OBI1: variants seen among roughly 807,000 people sequenced by gnomAD.
The protein encoded by OBI1 is ring finger protein 219.
A neutral mutation model predicts 62.4 loss-of-function variants in OBI1; 59 were observed. The ratio of observed to expected loss-of-function variants is 0.95; its 90% CI spans 0.77 to 1.17. The LOEUF is 1.17. Among genes scored for constraint, OBI1 ranks in the 50% most tolerant of loss-of-function variants. The pLI is 0.00. For synonymous variants in OBI1, 302 were observed against 292.8 expected, an observed-to-expected ratio of 1.03 and a Z score of -0.32; for missense variants, 875 against 830.9, an observed-to-expected ratio of 1.05 and a Z score of -0.65.
Position 78,616,537 on chromosome 13 carries a change from GCTCT to G in OBI1, c.1220_1223del (p.Glu407AlafsTer40), listed in dbSNP as rs755388648. 85 of 1,614,076 alleles carry G rather than the reference GCTCT, an allele frequency of 5.3e-5. No individual in the cohort carries two copies. The highest frequency in any genetic ancestry group is 5.9e-5 in the Non-Finnish European group (70 of 1,180,010). ...TGGAACCTCCTGCTTGGACCACAGA[GCTCT>G]CTCTATTTTCTGGAGTACTGAGCTG... is the stretch of plus-strand genomic sequence containing the variant. On this transcript the variant is annotated frameshift_variant, in exon 6 of 6. Coordinates refer to ENST00000282003, the MANE Select transcript of OBI1 (RefSeq NM_024546.4). LOFTEE classifies it high-confidence loss of function.
rs1388174116 is a variant in OBI1 at position 78,615,357 on chromosome 13, T to C, written c.*223A>G. The C allele has an allele frequency of 5.3e-6, 2 of 376,394 alleles. No individual in the cohort carries two copies. Among genetic ancestry groups the C allele is most frequent in the African/African-American group, 2.1e-5 (1 of 47,780 alleles). The allele number at this position is 376,394 out of a possible 1,614,324, so 23.3% of individuals were successfully genotyped here. A position where few individuals can be genotyped will look rare whatever the true frequency, so the allele number is the denominator to read the frequency against. ...ACACAAAAATAACCTCCTCCCTAAC[T>C]TCTCTGGTCACAAAGACTCCCAAAT... On this transcript the variant is annotated 3_prime_UTR_variant, in exon 6 of 6. Coordinates refer to ENST00000282003, the MANE Select transcript of OBI1 (RefSeq NM_024546.4).
At chr13:78,640,771 A>G (rs1876189355) in intron 3 of OBI1, among the ~76,000 whole-genome samples, 1 of 152,202 alleles carries the variant, frequency 6.6e-6, no homozygotes. Context: ...TCTGCACTCC[A>G]GCCTGGGTGA....
At chr13:78,618,025 T>A (rs566430774) in intron 5 of OBI1, among the ~76,000 whole-genome samples, 1 of 152,136 alleles carries the variant, frequency 6.6e-6, no homozygotes, top group South Asian at 2.1e-4. Flanking sequence ...TTAGGTGGTA[T>A]ATTTGGGGCT....
At position 78,616,476 on chromosome 13, in the gene OBI1, C is replaced by G; in HGVS notation, c.1285G>C (p.Asp429His). ...ACATTTGAAGAATCACAAAAATCAT[C>G]AAACACCAATTTTCTGAGATGGTTT... ...HSNHLRKLVF[D>H]DFCDSSNVSN... Residue 429 changes from aspartate to histidine, a missense_variant, in exon 6 of 6, where the codon GAT becomes CAT. Asp to His is a moderately conservative substitution (Grantham distance 81). Coordinates refer to ENST00000282003, the MANE Select transcript of OBI1 (RefSeq NM_024546.4). The G allele has an allele frequency of 6.2e-7, 1 of 1,614,074 alleles. No individual in the cohort carries two copies. The highest frequency in any genetic ancestry group is 8.5e-7 in the Non-Finnish European group (1 of 1,180,020).
Position 78,616,944 on chromosome 13 carries a change from T to C in OBI1, c.817A>G (p.Thr273Ala). The C allele has an allele frequency of 2.5e-6, 4 of 1,614,160 alleles. No homozygotes were observed. The highest frequency in any genetic ancestry group is 3.4e-6 in the Non-Finnish European group (4 of 1,180,020). The change falls in exon 6 of 6, where the codon ACA (threonine) becomes GCA (alanine). Residue 273 changes from threonine (T) to alanine (A), a missense_variant. By Grantham distance (58) the Thr-to-Ala change is moderately conservative. Transcript: ENST00000282003. ...CCTTTGCCATCTGCAGAAAGTGCTG[T>C]CTGGCAAATGGAATTCATAGCTTCT... ...EKEAMNSICQ[T>A]ALSADGKGSK...
chr13:78,632,383 C>CA (rs1411017618), intron 5 of OBI1, among the ~76,000 whole-genome samples: 2 of 152,104 alleles, frequency 1.3e-5, no homozygotes, highest in Non-Finnish European at 2.9e-5. Context: ...TTTGTTATGA[C>CA]AATCTGAGCT....
chr13:78,654,150 C>A (rs964408706), intron 1 of OBI1, among the ~76,000 whole-genome samples: 1 of 151,860 alleles, frequency 6.6e-6, no homozygotes, highest in Non-Finnish European at 1.5e-5. Context: ...TTCATCCCTA[C>A]CAGAAATGCT....
intron 1 of OBI1, among the ~76,000 whole-genome samples, chr13:78,652,800 T>C (rs1234532868): frequency 1.3e-5 from 2 of 152,128 alleles, no homozygotes; most frequent in South Asian, 2.1e-4. Context: ...GTGGTAATAC[T>C]ATCTCACTCC....
chr13:78,616,251 C>T lies in OBI1; in HGVS notation c.1510G>A (p.Gly504Ser), dbSNP rs1875280994. Residue 504 changes from glycine to serine, a missense_variant, in exon 6 of 6, where the codon GGC becomes AGC. Transcript: ENST00000282003. ...EISSKLSEKS[G>S]LCLSKRLNSI... is the part of the protein sequence containing the mutation. ...TTCAACCTTTTGGATAAACATAAGC[C>T]TGATTTCTCACTCAATTTTGAAGAT... is the stretch of plus-strand genomic sequence containing the variant. The T allele has an allele frequency of 1.2e-6, 2 of 1,613,774 alleles. No individual in the cohort carries two copies. Among genetic ancestry groups the T allele is most frequent in the Non-Finnish European group, 8.5e-7 (1 of 1,179,764 alleles).
At chr13:78,628,213 G>A (rs1430116195) in intron 5 of OBI1, among the ~76,000 whole-genome samples, 4 of 152,152 alleles carry the variant, frequency 2.6e-5, no homozygotes, top group Admixed American at 2.6e-4. Flanking sequence ...CTACTGCACA[G>A]AAGACAAAAA....
chr13:78,647,488 A>G (rs1252899581), intron 1 of OBI1, among the ~76,000 whole-genome samples: 1 of 152,236 alleles, frequency 6.6e-6, no homozygotes, highest in Non-Finnish European at 1.5e-5. Flanking sequence ...CGGGCACAGT[A>G]CCTTCCCTTG....
chr13:78,648,748 T>A (rs1876460584), intron 1 of OBI1, among the ~76,000 whole-genome samples: 1 of 152,068 alleles, frequency 6.6e-6, no homozygotes, highest in African/African-American at 2.4e-5. Flanking sequence ...ACCCCATCTC[T>A]ACTAAAAATA....
chr13:78,640,979 GC>G (rs58447200), intron 3 of OBI1, among the ~76,000 whole-genome samples: 55,807 of 151,732 alleles, frequency 0.37, 10,528 homozygotes, highest in African/African-American at 0.39. Flanking sequence ...TGTGACTATT[GC>G]AAGTATTAGC....
Position 78,615,131 on chromosome 13 carries a change from T to C in OBI1, c.*449A>G, listed in dbSNP as rs1164130978. The C allele has an allele frequency of 6.6e-6, 1 of 152,488 alleles. No individual in the cohort carries two copies. The highest frequency in any genetic ancestry group is 1.5e-5 in the Non-Finnish European group (1 of 68,290). The allele number at this position is 152,488 out of a possible 1,614,324, so 9.4% of individuals were successfully genotyped here. On this transcript the variant is annotated 3_prime_UTR_variant, in exon 6 of 6. Transcript: ENST00000282003. ...GAAAAGCTTAAACTCAAGTGTCTTA[T>C]TGAGCAGTGTATAGACAACACTAAA...
chr13:78,647,220 C>T (rs1194002944), intron 1 of OBI1, among the ~76,000 whole-genome samples: 1 of 152,202 alleles, frequency 6.6e-6, no homozygotes, highest in Non-Finnish European at 1.5e-5. Context: ...CACCCGTGAA[C>T]GGTCTGTGCT....
chr13:78,642,840 T>C (rs1241257340), intron 2 of OBI1, among the ~76,000 whole-genome samples: 3 of 152,016 alleles, frequency 2.0e-5, no homozygotes, highest in Non-Finnish European at 4.4e-5. Flanking sequence ...TGAGCCGAGA[T>C]TGCGCCACTG....
chr13:78,635,073 A>G (rs1875979267), intron 5 of OBI1, 37 bp downstream of exon 5: 7 of 1,264,782 alleles, frequency 5.5e-6, no homozygotes, highest in South Asian at 1.3e-5. Flanking sequence ...AAATATTGAC[A>G]TAATCTGAAG....
In OBI1 at chr13:78,652,956, G is replaced by C. The variant is rs149719998; in HGVS notation, c.72+6093C>G. Reference sequence around the variant, plus strand: ...TTACTGGAATGGGCCTGAGGGGGCAGTTCTTGGGGCAGATATATTAACCTT... The same window carrying C: ...TTACTGGAATGGGCCTGAGGGGGCACTTCTTGGGGCAGATATATTAACCTT... On this transcript the variant is annotated intron_variant, in intron 1 of 5. Transcript: ENST00000282003. 2.9e-3 allele frequency among the ~76,000 whole-genome samples: 437 copies of C among 152,256 alleles called. 1 individual carries two copies. Among genetic ancestry groups the C allele is most frequent in the African/African-American group, 9.9e-3 (412 of 41,528 alleles).
chr13:78,625,458 A>G (rs1875638337), intron 5 of OBI1, among the ~76,000 whole-genome samples: 1 of 152,346 alleles, frequency 6.6e-6, no homozygotes, highest in Middle Eastern at 3.4e-3. Context: ...TATTACTCAG[A>G]TGACAGTTAT....
Sources: gnomAD v4.1 joint callset for allele counts (sites outside exome capture counted in the v4.1 genomes callset) on GRCh38, gnomAD v4.1.1 for gene constraint, MANE v1.5 for transcripts, NCBI Gene and HGNC (gene_info 2026-07-23, HGNC 2026-07-21) for gene names.